Variants in ADK observed in about 807,000 individuals in gnomAD.
ADK encodes the protein adenosine kinase, also known as N6,N6-dimethyladenosine kinase.
Under a neutral mutation model 44.7 loss-of-function variants are expected in ADK, and 24 were observed. The ratio of observed to expected loss-of-function variants is 0.54; its 90% CI spans 0.39 to 0.76. The LOEUF is 0.76. Ranked by LOEUF, ADK falls within the 30% of genes least tolerant of loss-of-function variation. The probability of loss-of-function intolerance (pLI) is 0.00; values close to 1 mark genes in which losing one functional copy is unlikely to be tolerated. For missense variants in ADK, 321 were observed against 425.1 expected (o/e 0.76, Z 2.15); for synonymous variants, 128 against 142.6 (o/e 0.90, Z 0.73).
At chr10:74,221,283 G>A (rs1280057476) in intron 2 of ADK, among the ~76,000 whole-genome samples, 1 of 151,040 alleles carries the variant, frequency 6.6e-6, no homozygotes, top group Non-Finnish European at 1.5e-5. Context: ...GCTTCAAAGA[G>A]AATAAAATAC....
chr10:74,291,776 T>C (rs1167957694), intron 3 of ADK, among the ~76,000 whole-genome samples: 1 of 151,662 alleles, frequency 6.6e-6, no homozygotes, highest in Non-Finnish European at 1.5e-5. Context: ...GGATGTGATA[T>C]TGATTCTAAT....
intron 1 of ADK, among the ~76,000 whole-genome samples, chr10:74,154,307 C>CG (rs1841692779): frequency 6.6e-6 from 1 of 152,058 alleles, no homozygotes; most frequent in African/African-American, 2.4e-5. Flanking sequence ...CTCACTCTGG[C>CG]GCACAGGTTG....
At chr10:74,667,126 C>T (rs984948274) in intron 9 of ADK, among the ~76,000 whole-genome samples, 7 of 152,064 alleles carry the variant, frequency 4.6e-5, no homozygotes, top group Admixed American at 3.3e-4. Flanking sequence ...CCACTGTGCC[C>T]GGCCATGACT....
intron 3 of ADK, among the ~76,000 whole-genome samples, chr10:74,280,981 C>T (rs1224603041): frequency 6.6e-6 from 1 of 152,160 alleles, no homozygotes; most frequent in African/African-American, 2.4e-5. Flanking sequence ...AGGTTTACCA[C>T]ACTGGTTTAT....
intron 7 of ADK, among the ~76,000 whole-genome samples, chr10:74,573,715 C>T (rs1038958473): frequency 1.3e-5 from 2 of 151,658 alleles, no homozygotes; most frequent in East Asian, 1.9e-4. Flanking sequence ...CAATGGCGGG[C>T]GCCCCTCCCC....
intron 4 of ADK, among the ~76,000 whole-genome samples, chr10:74,365,771 A>T (rs1842479001): frequency 6.6e-6 from 1 of 152,096 alleles, no homozygotes; most frequent in Non-Finnish European, 1.5e-5. Context: ...TTAACTTTTT[A>T]AGGAAATGCC....
chr10:74,500,428 C>T (rs746925758), intron 6 of ADK, among the ~76,000 whole-genome samples: 1 of 152,068 alleles, frequency 6.6e-6, no homozygotes, highest in Non-Finnish European at 1.5e-5. Context: ...TTTGCAAAAC[C>T]ACCTGGAGGG....
chr10:74,283,601 T>C (rs1308555914), intron 3 of ADK, among the ~76,000 whole-genome samples: 2 of 150,312 alleles, frequency 1.3e-5, no homozygotes, highest in African/African-American at 4.9e-5. Context: ...TACCCCTCTT[T>C]TTGACTTTTA....
intron 10 of ADK, among the ~76,000 whole-genome samples, chr10:74,677,222 G>A (rs966879193): frequency 3.3e-5 from 5 of 152,192 alleles, no homozygotes; most frequent in Admixed American, 2.0e-4. Flanking sequence ...TCCAGGCTGG[G>A]TGACAGAGCA....
At chr10:74,413,154 A>G (rs1038386140) in intron 6 of ADK, among the ~76,000 whole-genome samples, 1 of 152,056 alleles carries the variant, frequency 6.6e-6, no homozygotes, top group African/African-American at 2.4e-5. Flanking sequence ...CAGATTTAAC[A>G]TAACTCTTAA....
chr10:74,339,023 G>A (rs1278411452), intron 4 of ADK, among the ~76,000 whole-genome samples: 1 of 152,158 alleles, frequency 6.6e-6, no homozygotes, highest in Admixed American at 6.5e-5. Flanking sequence ...CACAATCATA[G>A]CTCACTGTAG....
At chr10:74,238,856 CTTTTTTTT>C (rs752385282) in intron 3 of ADK, among the ~76,000 whole-genome samples, 1 of 88,198 alleles carries the variant, frequency 1.1e-5, no homozygotes, top group African/African-American at 4.8e-5. Context: ...TTAGCTAGTG[CTTTTTTTT>C]TTTTTTTTTT....
intron 6 of ADK, among the ~76,000 whole-genome samples, chr10:74,480,271 G>C (rs1347247543): frequency 6.7e-6 from 1 of 148,342 alleles, no homozygotes; most frequent in Non-Finnish European, 1.5e-5. Context: ...CTGTCACCCA[G>C]GCTGGAGTGC....
At chr10:74,657,845 T>C (rs747140049) in intron 9 of ADK, among the ~76,000 whole-genome samples, 6 of 152,188 alleles carry the variant, frequency 3.9e-5, no homozygotes, top group Non-Finnish European at 8.8e-5. Flanking sequence ...TGGAAGTATG[T>C]GAAGGTTATA....
intron 9 of ADK, chr10:74,655,280 T>C: frequency 2.1e-6 from 1 of 467,662 alleles, no homozygotes; most frequent in South Asian, 1.9e-5. Context: ...ACTCCATCTT[T>C]GAGAAGGGCC....
At chr10:74,192,085 C>T (rs1025428617) in intron 1 of ADK, among the ~76,000 whole-genome samples, 4 of 152,074 alleles carry the variant, frequency 2.6e-5, no homozygotes, top group East Asian at 1.9e-4. Flanking sequence ...CTTTGAGATC[C>T]GTTTAAGTTG....
chr10:74,656,052 G>T, intron 9 of ADK: 2 of 481,472 alleles, frequency 4.2e-6, no homozygotes, highest in South Asian at 2.4e-5. Flanking sequence ...TAGGACTGGG[G>T]AGATGATAGA....
chr10:74,317,254 A>G (rs561191907), intron 4 of ADK, among the ~76,000 whole-genome samples: 1 of 152,308 alleles, frequency 6.6e-6, no homozygotes, highest in South Asian at 2.1e-4. Flanking sequence ...ACTTCTTCCT[A>G]ATGAAAGTGA....
intron 10 of ADK, among the ~76,000 whole-genome samples, chr10:74,689,109 C>T (rs1462969842): frequency 3.3e-5 from 5 of 151,676 alleles, no homozygotes; most frequent in African/African-American, 4.8e-5. Flanking sequence ...ATTAGCTGGG[C>T]GTGGTGGCGG....
Sources: gnomAD v4.1 joint callset for allele counts (sites outside exome capture counted in the v4.1 genomes callset) on GRCh38, gnomAD v4.1.1 for gene constraint, MANE v1.5 for transcripts, NCBI Gene and HGNC (gene_info 2026-07-23, HGNC 2026-07-21) for gene names.